Variants in CWF19L2 observed in about 807,000 individuals in gnomAD.
CWF19L2 encodes CWF19 like cell cycle control factor 2.
CWF19L2 carries 98 observed loss-of-function variants against 111.7 expected under a neutral mutation model. The observed-to-expected ratio is 0.88, with a 90% CI of 0.75 to 1.04. CWF19L2 has a LOEUF of 1.04. CWF19L2 is among the 50% of genes least tolerant of loss of function. The probability of loss-of-function intolerance (pLI) is 0.00; values close to 1 mark genes in which losing one functional copy is unlikely to be tolerated. For synonymous variants in CWF19L2, 351 were observed against 342.9 expected, an observed-to-expected ratio of 1.02 and a Z score of -0.26; for missense variants, 1,101 against 1,051.4, an observed-to-expected ratio of 1.05 and a Z score of -0.65.
chr11:107,456,322 T>G (rs940006289), intron 1 of CWF19L2, among the ~76,000 whole-genome samples: 6 of 152,210 alleles, frequency 3.9e-5, no homozygotes, highest in African/African-American at 1.4e-4. Flanking sequence ...TTTCTTTCCC[T>G]GTAACTCCAA....
intron 12 of CWF19L2, among the ~76,000 whole-genome samples, chr11:107,363,141 T>C (rs1163190916): frequency 6.6e-6 from 1 of 151,888 alleles, no homozygotes; most frequent in Non-Finnish European, 1.5e-5. Context: ...TAAAAAGAAA[T>C]GAGCAAAGCC....
intron 10 of CWF19L2, among the ~76,000 whole-genome samples, chr11:107,404,990 T>C (rs1363337847): frequency 1.3e-5 from 2 of 152,180 alleles, no homozygotes; most frequent in East Asian, 3.8e-4. Flanking sequence ...TAATACAGAA[T>C]ATGAGGCTTA....
At chr11:107,339,683 T>G (rs1330499593) in intron 14 of CWF19L2, among the ~76,000 whole-genome samples, 3 of 131,904 alleles carry the variant, frequency 2.3e-5, no homozygotes, top group African/African-American at 6.0e-5. Context: ...TTTTTTTTTT[T>G]GAGATGGAGT....
At position 107,329,893 on chromosome 11, in the gene CWF19L2, G is replaced by C. The variant is rs1449129891; in HGVS notation, c.2541+25C>G. 2.0e-6 allele frequency: 3 copies of C among 1,487,946 alleles called. No homozygotes were observed. The East Asian group carries it at 7.2e-5, about 36-fold the overall frequency. The allele number at this position is 1,487,946 out of a possible 1,614,324, so 92.2% of individuals were successfully genotyped here. A position where few individuals can be genotyped will look rare whatever the true frequency, so the allele number is the denominator to read the frequency against. On this transcript the variant is annotated intron_variant, in intron 17 of 17. Coordinates refer to ENST00000282251, the MANE Select transcript of CWF19L2 (RefSeq NM_152434.3). ...AATGTTACCAAATTGCTAACTCTGG[G>C]ATTTTATCAAATTTGTAAGCCTACC...
Position 107,336,679 on chromosome 11 carries a change from T to A in CWF19L2, c.2237A>T (p.Asp746Val). 1 of 1,529,024 alleles carries A rather than the reference T, an allele frequency of 6.5e-7. No individual in the cohort carries two copies. Among genetic ancestry groups the A allele is most frequent in the Non-Finnish European group, 8.9e-7 (1 of 1,128,196 alleles). The allele number at this position is 1,529,024 out of a possible 1,614,324, so 94.7% of individuals were successfully genotyped here. ...CAAAAAAATGCAGTCTAATCCTTTA[T>A]CTTCAAACATCTTTACCAATGATTT... ...FRKSLVKMFE[D>V]KGLDCIFLET... Residue 746 changes from aspartate (D) to valine (V), a missense_variant, in exon 15 of 18, where the codon GAT (aspartate) becomes GTT (valine). Physicochemically the swap from Asp to Val is radical, Grantham distance 152. Transcript: ENST00000282251.
intron 7 of CWF19L2, among the ~76,000 whole-genome samples, 168 bp downstream of exon 7, chr11:107,433,466 T>C (rs1382711527): frequency 1.3e-5 from 2 of 152,112 alleles, no homozygotes; most frequent in African/African-American, 2.4e-5. Context: ...ATTATGTCAA[T>C]AAAAATATGA....
chr11:107,344,974 G>C (rs892525905), intron 14 of CWF19L2, among the ~76,000 whole-genome samples: 3 of 152,176 alleles, frequency 2.0e-5, no homozygotes, highest in Non-Finnish European at 2.9e-5. Flanking sequence ...CTGGGTAGCA[G>C]GTGGGAGTGC....
chr11:107,391,228 C>T (rs75149737), intron 11 of CWF19L2, among the ~76,000 whole-genome samples: 2,007 of 152,286 alleles, frequency 0.013, 39 homozygotes, highest in African/African-American at 0.045. Flanking sequence ...AACTCCCCTT[C>T]ATATATACAT....
At chr11:107,455,442 C>T (rs768095792) in intron 2 of CWF19L2, among the ~76,000 whole-genome samples, 4 of 152,114 alleles carry the variant, frequency 2.6e-5, no homozygotes, top group Non-Finnish European at 2.9e-5. Flanking sequence ...TTGAAGCTGT[C>T]TTCTACTAGC....
chr11:107,442,811 GGA>G (rs1471630593), intron 4 of CWF19L2, 126 bp downstream of exon 4: 26,336 of 433,726 alleles, frequency 0.061, 2,056 homozygotes, highest in Non-Finnish European at 0.079. Context: ...AGGGAGGGAG[GGA>G]GGGAGGGGGA....
chr11:107,433,594 T>C (rs1356781974), intron 7 of CWF19L2, 40 bp downstream of exon 7: 1 of 929,344 alleles, frequency 1.1e-6, no homozygotes, highest in Non-Finnish European at 1.6e-6. Flanking sequence ...TTTCACCTAA[T>C]TCTGAAAATA....
intron 12 of CWF19L2, among the ~76,000 whole-genome samples, chr11:107,360,180 T>G (rs1016903382): frequency 1.3e-5 from 2 of 152,254 alleles, no homozygotes; most frequent in Non-Finnish European, 2.9e-5. Flanking sequence ...ATACATTATT[T>G]AGCTCCCACT....
At position 107,390,083 on chromosome 11, in the gene CWF19L2, C is replaced by T. The variant is rs200999999; in HGVS notation, c.1863G>A (p.Met621Ile). 3.2e-5 allele frequency: 51 copies of T among 1,612,346 alleles called. No homozygotes were observed. The East Asian group carries it at 1.1e-3, about 35-fold the overall frequency. The change falls in exon 12 of 18, where the codon ATG becomes ATA. Residue 621 changes from methionine to isoleucine, a missense_variant. Transcript: ENST00000282251. ...AENQNKLFMR[M>I]ASKFMGKTDG... ...TAGGAATATATCTTACCTTAGATGC[C>T]ATTCTCATAAAGAGCTTGTTTTGAT...
chr11:107,433,849 T>A (rs11212230), intron 6 of CWF19L2, 100 bp from the exon 7 acceptor site: 13,427 of 221,680 alleles, frequency 0.061, 630 homozygotes, highest in African/African-American at 0.13. Flanking sequence ...AATAAATATT[T>A]TTCTTTAAAT....
intron 12 of CWF19L2, among the ~76,000 whole-genome samples, chr11:107,375,192 G>C (rs1301243213): frequency 1.5e-5 from 2 of 131,686 alleles, no homozygotes; most frequent in South Asian, 2.7e-4. Flanking sequence ...ACACCCCACT[G>C]TCAACATTAG....
rs559103297 is a variant in CWF19L2, at chr11:107,433,685, T to C, written c.729A>G (p.Gln243=). 2 of 1,595,128 alleles carry C rather than the reference T, an allele frequency of 1.3e-6. No individual in the cohort carries two copies. The highest frequency in any genetic ancestry group is 2.3e-5 in the East Asian group (1 of 43,570). Residue 243 remains glutamine, a synonymous_variant, in exon 7 of 18, where the codon CAA becomes CAG. Coordinates refer to ENST00000282251, the MANE Select transcript of CWF19L2 (RefSeq NM_152434.3). The part of the protein sequence containing the change: ...LRKSYLRMKE[Q]AEKQSRNFED... The stretch of plus-strand genomic sequence containing the variant: ...CAAAGTTTCTACTTTGTTTCTCAGC[T>C]TGTTCCTTCATTCTTAGATAAGATT...
intron 11 of CWF19L2, among the ~76,000 whole-genome samples, chr11:107,391,952 G>A (rs1027307659): frequency 6.6e-6 from 1 of 152,004 alleles, no homozygotes; most frequent in Non-Finnish European, 1.5e-5. Flanking sequence ...AACTCAAAAA[G>A]GGCCCTCAAT....
chr11:107,367,578 C>CA (rs1178386468), intron 12 of CWF19L2, among the ~76,000 whole-genome samples: 1 of 126,808 alleles, frequency 7.9e-6, no homozygotes, highest in Non-Finnish European at 1.6e-5. Flanking sequence ...ATTGCAAGAA[C>CA]AAAAAACCAA....
intron 3 of CWF19L2, among the ~76,000 whole-genome samples, chr11:107,449,215 A>C (rs1383087351): frequency 6.6e-6 from 1 of 151,890 alleles, no homozygotes; most frequent in Non-Finnish European, 1.5e-5. Context: ...GAAGATTGCT[A>C]GTAGGAACTT....
Sources: gnomAD v4.1 joint callset for allele counts (sites outside exome capture counted in the v4.1 genomes callset) on GRCh38, gnomAD v4.1.1 for gene constraint, MANE v1.5 for transcripts, NCBI Gene and HGNC (gene_info 2026-07-23, HGNC 2026-07-21) for gene names.